Variants in PDE4D observed in about 807,000 individuals in gnomAD.
The protein encoded by PDE4D is phosphodiesterase 4D, also known as 3',5'-cyclic-AMP phosphodiesterase 4D.
In PDE4D, 24 loss-of-function variants were observed where a neutral mutation model predicts 87.4. That is an observed-to-expected ratio of 0.27 (90% CI 0.20 to 0.39). PDE4D has a LOEUF of 0.39. Among genes scored for constraint, PDE4D ranks in the 10% least tolerant of loss-of-function variants. The pLI is 1.00. For missense variants in PDE4D, 714 were observed against 1,041.0 expected (o/e 0.69, Z 4.32); for synonymous variants, 384 against 383.2 (o/e 1.00, Z -0.02).
chr5:59,667,820 G>T (rs549773268), intron 1 of PDE4D, among the ~76,000 whole-genome samples: 1 of 152,264 alleles, frequency 6.6e-6, no homozygotes, highest in Admixed American at 6.5e-5. Flanking sequence ...TCCAGTCTAT[G>T]TTCCCACGAA....
chr5:59,619,461 T>G (rs1830095280), intron 1 of PDE4D, among the ~76,000 whole-genome samples: 1 of 152,200 alleles, frequency 6.6e-6, no homozygotes, highest in Admixed American at 6.5e-5. Flanking sequence ...ATAACTTAGG[T>G]GCCTGGGCCC....
intron 3 of PDE4D, among the ~76,000 whole-genome samples, chr5:59,914,221 A>G (rs565598752): frequency 6.2e-4 from 95 of 152,332 alleles, no homozygotes; most frequent in Non-Finnish European, 1.1e-3. Context: ...GACAATAGAC[A>G]ACAAATTAAT....
chr5:60,486,201 TGG>T (rs1465084338), intron 1 of PDE4D, among the ~76,000 whole-genome samples: 2 of 152,164 alleles, frequency 1.3e-5, no homozygotes, highest in African/African-American at 4.8e-5. Flanking sequence ...CCTTGAGGGA[TGG>T]GATTATATTT....
intron 1 of PDE4D, among the ~76,000 whole-genome samples, chr5:60,478,769 T>C (rs907167163): frequency 6.6e-6 from 1 of 152,204 alleles, no homozygotes; most frequent in African/African-American, 2.4e-5. Context: ...TTGAAGAGGC[T>C]TTCTCACCCA....
chr5:59,357,919 T>G (rs560154533), intron 1 of PDE4D, among the ~76,000 whole-genome samples: 22 of 152,136 alleles, frequency 1.4e-4, no homozygotes, highest in African/African-American at 5.3e-4. Context: ...GAGCGCCACT[T>G]CTTCAGGATA....
intron 1 of PDE4D, among the ~76,000 whole-genome samples, chr5:59,739,495 CA>C (rs1462927269): frequency 6.6e-6 from 1 of 152,110 alleles, no homozygotes; most frequent in African/African-American, 2.4e-5. Context: ...ATGTACAATT[CA>C]CAATAGAAAA....
intron 3 of PDE4D, among the ~76,000 whole-genome samples, chr5:59,900,261 TATAC>T (rs200525142): frequency 6.0e-5 from 8 of 132,934 alleles, no homozygotes; most frequent in African/African-American, 1.6e-4. Flanking sequence ...TATATATATA[TATAC>T]ACACACACAC....
At chr5:60,041,648 C>T (rs925636973) in intron 2 of PDE4D, among the ~76,000 whole-genome samples, 8 of 152,084 alleles carry the variant, frequency 5.3e-5, no homozygotes, top group Non-Finnish European at 7.4e-5. Context: ...CAGACCACGG[C>T]GTGTGAGCTG....
At chr5:59,821,034 C>T (rs1769582758) in intron 1 of PDE4D, among the ~76,000 whole-genome samples, 1 of 152,128 alleles carries the variant, frequency 6.6e-6, no homozygotes, top group Admixed American at 6.5e-5. Context: ...GAGTTTGAGA[C>T]AATCCTGGCC....
At chr5:59,585,364 C>T (rs538289267) in intron 1 of PDE4D, among the ~76,000 whole-genome samples, 7 of 152,122 alleles carry the variant, frequency 4.6e-5, no homozygotes, top group African/African-American at 1.4e-4. Context: ...GAAAGCCCTC[C>T]GAAACCTATA....
chr5:59,516,314 C>T (rs1811146088), intron 1 of PDE4D, among the ~76,000 whole-genome samples: 1 of 152,024 alleles, frequency 6.6e-6, no homozygotes, highest in South Asian at 2.1e-4. Context: ...GATTTTTTTT[C>T]CCTCTTTCTT....
intron 5 of PDE4D, among the ~76,000 whole-genome samples, chr5:59,170,418 TA>T (rs1308011951): frequency 1.3e-5 from 2 of 152,204 alleles, no homozygotes; most frequent in Admixed American, 1.3e-4. Flanking sequence ...ATTATTATTT[TA>T]AAATACAGTT....
intron 1 of PDE4D, among the ~76,000 whole-genome samples, chr5:59,698,760 T>C (rs1752163783): frequency 6.6e-6 from 1 of 152,204 alleles, no homozygotes; most frequent in Non-Finnish European, 1.5e-5. Context: ...TGAATCAACA[T>C]TCTGCGCTGA....
chr5:59,582,948 T>C (rs1824439047), intron 1 of PDE4D, among the ~76,000 whole-genome samples: 1 of 152,172 alleles, frequency 6.6e-6, no homozygotes. Flanking sequence ...CTTCCTCTGG[T>C]GTCCTCAGAG....
intron 1 of PDE4D, among the ~76,000 whole-genome samples, chr5:60,224,476 T>C (rs541522625): frequency 3.8e-4 from 58 of 152,212 alleles, no homozygotes; most frequent in African/African-American, 1.4e-3. Flanking sequence ...TGTTTCACTG[T>C]GGCTGAACTG....
intron 1 of PDE4D, among the ~76,000 whole-genome samples, chr5:59,675,694 G>A (rs1223556959): frequency 2.6e-5 from 4 of 151,972 alleles, no homozygotes; most frequent in African/African-American, 7.3e-5. Context: ...GGTGAAAAAC[G>A]TAGGCTTTTT....
chr5:59,447,179 T>A (rs562760076), intron 1 of PDE4D, among the ~76,000 whole-genome samples: 43 of 152,284 alleles, frequency 2.8e-4, no homozygotes, highest in African/African-American at 1.0e-3. Context: ...AATCCAAGAA[T>A]CTTACCTTCA....
chr5:59,643,912 C>T (rs188545316), intron 1 of PDE4D, among the ~76,000 whole-genome samples: 1 of 152,228 alleles, frequency 6.6e-6, no homozygotes, highest in African/African-American at 2.4e-5. Flanking sequence ...TGGGTCTGCC[C>T]CCTCCCTCAA....
At chr5:60,045,998 C>T (rs1769190220) in intron 2 of PDE4D, among the ~76,000 whole-genome samples, 1 of 152,190 alleles carries the variant, frequency 6.6e-6, no homozygotes, top group South Asian at 2.1e-4. Context: ...TACCCATGAG[C>T]ATGGAATATT....
Sources: gnomAD v4.1 joint callset for allele counts (sites outside exome capture counted in the v4.1 genomes callset) on GRCh38, gnomAD v4.1.1 for gene constraint, MANE v1.5 for transcripts, NCBI Gene and HGNC (gene_info 2026-07-23, HGNC 2026-07-21) for gene names.